Variants in IFT57 observed in about 807,000 individuals in gnomAD.
IFT57 encodes intraflagellar transport protein 57 homolog.
In IFT57, 59 loss-of-function variants were observed where a neutral mutation model predicts 56.8. The observed-to-expected ratio is 1.04, with a 90% CI of 0.84 to 1.29. The LOEUF (loss-of-function observed/expected upper bound fraction) is 1.29. IFT57 is among the 50% of genes most tolerant of loss of function. The probability of loss-of-function intolerance (pLI) is 0.00; values close to 1 mark genes in which losing one functional copy is unlikely to be tolerated. For missense variants in IFT57, 470 were observed against 522.1 expected (o/e 0.90, Z 0.97); for synonymous variants, 209 against 186.1 (o/e 1.12, Z -1.00).
rs570806279 is a variant in IFT57, at chr3:108,213,960, T to C, written c.556A>G (p.Thr186Ala). 1 of 1,609,976 alleles carries C rather than the reference T, an allele frequency of 6.2e-7. No homozygotes were observed. Among genetic ancestry groups the C allele is most frequent in the Admixed American group, 1.7e-5 (1 of 59,974 alleles). Residue 186 changes from threonine to alanine, a missense_variant, in exon 4 of 11, where the codon ACA becomes GCA. Transcript: ENST00000264538. ...ESVAEDDAEL[T>A]LNKVDEEFVE... is the part of the protein sequence containing the mutation. ...AATTCTTCATCCACTTTATTTAATG[T>C]TAATTCTGCATCATCTTCTGCAACG...
At chr3:108,188,579 T>A (rs758145605) in intron 6 of IFT57, among the ~76,000 whole-genome samples, 18 of 152,224 alleles carry the variant, frequency 1.2e-4, no homozygotes, top group Non-Finnish European at 2.4e-4. Context: ...CTTTATCTGA[T>A]ATTTTGGAAT....
intron 9 of IFT57, among the ~76,000 whole-genome samples, chr3:108,164,533 G>A (rs2080050349): frequency 6.6e-6 from 1 of 151,786 alleles, no homozygotes; most frequent in East Asian, 1.9e-4. Flanking sequence ...AATTTTTTCA[G>A]GCATCTGAAA....
At chr3:108,205,798 C>A (rs1340885934) in intron 5 of IFT57, among the ~76,000 whole-genome samples, 1 of 130,706 alleles carries the variant, frequency 7.7e-6, no homozygotes. Context: ...ATATAATATA[C>A]AAAATATTAT....
chr3:108,211,380 A>G (rs1448686038), intron 4 of IFT57, among the ~76,000 whole-genome samples: 1 of 152,278 alleles, frequency 6.6e-6, no homozygotes, highest in Non-Finnish European at 1.5e-5. Context: ...TCTGTTACAC[A>G]AAGAATAAAG....
At chr3:108,169,278 C>T (rs767268582) in intron 6 of IFT57, among the ~76,000 whole-genome samples, 9 of 151,796 alleles carry the variant, frequency 5.9e-5, no homozygotes, top group Non-Finnish European at 1.0e-4. Context: ...TTTTTGGCCA[C>T]ATAAATGTCT....
At chr3:108,167,145 G>T (rs961074599) in intron 7 of IFT57, 160 bp from the exon 8 acceptor site, 2 of 598,994 alleles carry the variant, frequency 3.3e-6, no homozygotes, top group East Asian at 2.9e-5. Context: ...TCTGTGATGA[G>T]AAATATTTTA....
chr3:108,203,423 G>C, intron 5 of IFT57, among the ~76,000 whole-genome samples: 1 of 152,176 alleles, frequency 6.6e-6, no homozygotes, highest in African/African-American at 2.4e-5. Context: ...GCTTGTGTAG[G>C]TACAACTCTT....
In IFT57 at chr3:108,222,250, TC is replaced by T; in HGVS notation, c.72del (p.Thr25ProfsTer19). ...EDGVPRSRGEGTGEVVLERGP... is the reference protein window; with the variant it reads ...EDGVPRSRGEXTGEVVLERGP... Reference sequence around the variant, plus strand: ...CCCCGCTCCAAGACCACTTCCCCGGTCCCTTCGCCACGGGACCTAGGCACCC... The same window carrying T: ...CCCCGCTCCAAGACCACTTCCCCGGTCCTTCGCCACGGGACCTAGGCACCC... On this transcript the variant is annotated frameshift_variant, in exon 1 of 11. Coordinates refer to ENST00000264538, the MANE Select transcript of IFT57 (RefSeq NM_018010.4). LOFTEE classifies it high-confidence loss of function. The T allele has an allele frequency of 1.2e-6, 2 of 1,613,822 alleles. No homozygotes were observed. Among genetic ancestry groups the T allele is most frequent in the Non-Finnish European group, 1.7e-6 (2 of 1,179,954 alleles).
chr3:108,208,762 C>G (rs551919349), intron 4 of IFT57, among the ~76,000 whole-genome samples: 2 of 152,178 alleles, frequency 1.3e-5, no homozygotes, highest in African/African-American at 4.8e-5. Flanking sequence ...CCACTTTGGG[C>G]TCCTCATACC....
At chr3:108,170,168 G>T (rs997492650) in intron 6 of IFT57, among the ~76,000 whole-genome samples, 1 of 151,994 alleles carries the variant, frequency 6.6e-6, no homozygotes, top group African/African-American at 2.4e-5. Flanking sequence ...GCAATAGAAA[G>T]AAATAAAGGG....
intron 5 of IFT57, among the ~76,000 whole-genome samples, chr3:108,195,684 T>C (rs563216918): frequency 7.2e-5 from 11 of 152,134 alleles, no homozygotes; most frequent in Non-Finnish European, 1.6e-4. Context: ...TGGATGGAAT[T>C]GGAGGTCATT....
Position 108,206,052 on chromosome 3 carries a change from T to C in IFT57, c.654+576A>G, listed in dbSNP as rs914570418. 2.5e-5 allele frequency among the ~76,000 whole-genome samples: 3 copies of C among 121,200 alleles called. No homozygotes were observed. The Admixed American group carries it at 2.9e-4, about 12-fold the overall frequency. 79.5% of individuals were successfully genotyped at this position (121,200 alleles called of 152,430 possible). ...TATATTATTTATAATATATATTATA[T>C]ATTATTTATATATAATAATATATTA... is the stretch of plus-strand genomic sequence containing the variant. On this transcript the variant is annotated intron_variant, in intron 5 of 10. Transcript: ENST00000264538.
chr3:108,161,354 G>A lies in IFT57; in HGVS notation c.*1123C>T, dbSNP rs2080031042. 1 of 151,886 alleles carries A rather than the reference G, an allele frequency of 6.6e-6. No homozygotes were observed. Among genetic ancestry groups the A allele is most frequent in the Non-Finnish European group, 1.5e-5 (1 of 67,968 alleles). 9.4% of individuals were successfully genotyped at this position (151,886 alleles called of 1,614,324 possible). A position where few individuals can be genotyped will look rare whatever the true frequency, so the allele number is the denominator to read the frequency against. On this transcript the variant is annotated 3_prime_UTR_variant, in exon 11 of 11. Transcript: ENST00000264538. ...ACTAAAGAGAGGTCTAGTAAGGAAA[G>A]GGAAAGATCTGTGTATGTGAGCATG...
chr3:108,173,963 C>T (rs1332521553), intron 6 of IFT57, among the ~76,000 whole-genome samples: 1 of 134,098 alleles, frequency 7.5e-6, no homozygotes, highest in Non-Finnish European at 1.5e-5. Flanking sequence ...ATTAGGTGTC[C>T]TATTTAGTAA....
At chr3:108,221,938 G>C in intron 1 of IFT57, 173 bp downstream of exon 1, 2 of 1,307,314 alleles carry the variant, frequency 1.5e-6, no homozygotes, top group Admixed American at 2.9e-5. Context: ...TCAGGGCTGC[G>C]TGAGCTCCAC....
At chr3:108,205,311 T>C (rs1173994704) in intron 5 of IFT57, among the ~76,000 whole-genome samples, 1 of 152,080 alleles carries the variant, frequency 6.6e-6, no homozygotes, top group Non-Finnish European at 1.5e-5. Context: ...TTTTATCTCA[T>C]TTACAGCTTA....
rs2080039181 is a variant in IFT57, at chr3:108,162,498, T to C, written c.1269A>G (p.Glu423=). The C allele has an allele frequency of 6.2e-7, 1 of 1,604,628 alleles. No individual in the cohort carries two copies. The highest frequency in any genetic ancestry group is 1.1e-5 in the South Asian group (1 of 89,092). The stretch of plus-strand genomic sequence containing the variant: ...TGTTTTAATAAAAGCCTGTTGCTGG[T>C]TCTGGAATAACTGTGGCATGCATGT... The part of the protein sequence containing the change: ...TRNMHATVIP[E]PATGFY Residue 423 remains glutamate (E), a synonymous_variant, in exon 11 of 11, where the codon GAA becomes GAG. Coordinates refer to ENST00000264538, the MANE Select transcript of IFT57 (RefSeq NM_018010.4).
chr3:108,206,680 T>C lies in IFT57; in HGVS notation c.602A>G (p.Asn201Ser), dbSNP rs2080316000. The C allele has an allele frequency of 2.2e-6, 3 of 1,337,948 alleles. No individual in the cohort carries two copies. The highest frequency in any genetic ancestry group is 3.0e-5 in the African/African-American group (2 of 67,382). 82.9% of individuals were successfully genotyped at this position (1,337,948 alleles called of 1,614,324 possible). A position where few individuals can be genotyped will look rare whatever the true frequency, so the allele number is the denominator to read the frequency against. Residue 201 changes from asparagine to serine, a missense_variant, in exon 5 of 11, where the codon AAT (asparagine) becomes AGT (serine). Physicochemically the swap from Asn to Ser is conservative, Grantham distance 46. Coordinates refer to ENST00000264538, the MANE Select transcript of IFT57 (RefSeq NM_018010.4). The stretch of plus-strand genomic sequence containing the variant: ...GTTGAGATCAATAAAGTTTTCTTCA[T>C]TATCTGTCTCTTCTTCCTTAGAAAA... ...DEEFVEEETDNEENFIDLNVL... is the reference protein window; with the variant it reads ...DEEFVEEETDSEENFIDLNVL...
At chr3:108,182,842 G>A (rs1395743156) in intron 6 of IFT57, among the ~76,000 whole-genome samples, 1 of 152,012 alleles carries the variant, frequency 6.6e-6, no homozygotes, top group East Asian at 1.9e-4. Context: ...ACATTTTGGT[G>A]GAATGAAGGG....
Sources: gnomAD v4.1 joint callset for allele counts (sites outside exome capture counted in the v4.1 genomes callset) on GRCh38, gnomAD v4.1.1 for gene constraint, MANE v1.5 for transcripts, NCBI Gene and HGNC (gene_info 2026-07-23, HGNC 2026-07-21) for gene names.